The following MIPEP variants were observed in gnomAD, a reference collection of about 807,000 sequenced individuals.
The protein encoded by MIPEP is mitochondrial intermediate peptidase.
Under a neutral mutation model 90.3 loss-of-function variants are expected in MIPEP, and 79 were observed. The ratio of observed to expected loss-of-function variants is 0.87; its 90% CI spans 0.73 to 1.05. MIPEP has a LOEUF of 1.05. Among genes scored for constraint, MIPEP ranks in the 50% least tolerant of loss-of-function variants. MIPEP has a pLI of 0.00. For missense variants in MIPEP, 940 were observed against 905.6 expected, an observed-to-expected ratio of 1.04 and a Z score of -0.49; for synonymous variants, 334 against 315.8, an observed-to-expected ratio of 1.06 and a Z score of -0.61.
chr13:23,866,578 C>T (rs550539746), intron 7 of MIPEP, among the ~76,000 whole-genome samples: 82 of 152,272 alleles, frequency 5.4e-4, no homozygotes, highest in Non-Finnish European at 1.1e-3. Context: ...ACCTTCTGCG[C>T]GGCCTCCAGG....
At chr13:23,828,411 A>G (rs1761254912) in intron 14 of MIPEP, among the ~76,000 whole-genome samples, 1 of 152,250 alleles carries the variant, frequency 6.6e-6, no homozygotes, top group Non-Finnish European at 1.5e-5. Flanking sequence ...AGAAGTAATT[A>G]TCTGGTTAAA....
Position 23,865,984 on chromosome 13 carries a change from G to A in MIPEP, c.944-1795C>T, listed in dbSNP as rs115847509. 9.4e-3 allele frequency among the ~76,000 whole-genome samples: 1,433 copies of A among 151,922 alleles called. 22 individuals are homozygous for A. The highest frequency in any genetic ancestry group is 0.034 in the African/African-American group (1,391 of 41,422). ...CCACATCTGGCCTGCCTCAATTAGTGTCCCCAGAGAATTGTCATATTAAGA... is the reference window on the plus strand; with the variant it reads ...CCACATCTGGCCTGCCTCAATTAGTATCCCCAGAGAATTGTCATATTAAGA... On this transcript the variant is annotated intron_variant, in intron 7 of 18. Transcript: ENST00000382172.
intron 3 of MIPEP, 81 bp from the exon 4 acceptor site, chr13:23,879,435 C>T (rs1871197059): frequency 1.3e-6 from 1 of 747,318 alleles, no homozygotes; most frequent in South Asian, 1.7e-5. Flanking sequence ...ATGGTGTCAG[C>T]TTGTACCACA....
rs546168017 is a variant in MIPEP at position 23,828,234 on chromosome 13, C to T, written c.1653+8006G>A. On this transcript the variant is annotated intron_variant, in intron 14 of 18. Transcript: ENST00000382172. The stretch of plus-strand genomic sequence containing the variant: ...AACCTATAACAAACATCTTTCTTTA[C>T]GGTGACGTATTAAAAACATTTCCTT... 1.2e-3 allele frequency among the ~76,000 whole-genome samples: 181 copies of T among 152,324 alleles called. 1 individual carries two copies. The highest frequency in any genetic ancestry group is 4.1e-3 in the African/African-American group (169 of 41,586).
chr13:23,818,634 G>A (rs1159318185), intron 14 of MIPEP, among the ~76,000 whole-genome samples: 1 of 152,070 alleles, frequency 6.6e-6, no homozygotes, highest in Non-Finnish European at 1.5e-5. Flanking sequence ...GAAATAGCTG[G>A]GTTGGTTACA....
chr13:23,800,563 T>C lies in MIPEP; in HGVS notation c.1848+5387A>G, dbSNP rs144569054. ...TTTCCAGCATCAAACTACTGTTAGA[T>C]GGAATAGCAAGTAAGTACAAATTAG... On this transcript the variant is annotated intron_variant, in intron 16 of 18. Coordinates refer to ENST00000382172, the MANE Select transcript of MIPEP (RefSeq NM_005932.4). 3.9e-3 allele frequency among the ~76,000 whole-genome samples: 600 copies of C among 152,288 alleles called. 2 individuals are homozygous for C. The highest frequency in any genetic ancestry group is 0.014 in the African/African-American group (569 of 41,550).
chr13:23,760,513 G>A (rs753637612), intron 16 of MIPEP: 1 of 592,340 alleles, frequency 1.7e-6, no homozygotes, highest in Non-Finnish European at 3.3e-6. Context: ...CTCTTAGACT[G>A]GGCCCTTGCC....
intron 11 of MIPEP, among the ~76,000 whole-genome samples, chr13:23,841,083 A>ATTTTATATT (rs1454256314): frequency 6.6e-6 from 1 of 152,218 alleles, no homozygotes; most frequent in Non-Finnish European, 1.5e-5. Context: ...GGATATATGA[A>ATTTTATATT]GGTGCATATA....
At chr13:23,783,242 G>T (rs1051261743) in intron 16 of MIPEP, among the ~76,000 whole-genome samples, 1 of 152,142 alleles carries the variant, frequency 6.6e-6, no homozygotes, top group African/African-American at 2.4e-5. Flanking sequence ...ACATCAAAAA[G>T]CTTATCCACC....
At chr13:23,843,027 G>A (rs1288393041) in intron 10 of MIPEP, among the ~76,000 whole-genome samples, 1 of 151,036 alleles carries the variant, frequency 6.6e-6, no homozygotes, top group Non-Finnish European at 1.5e-5. Flanking sequence ...AACCCAGGAG[G>A]CGGAGGTTGA....
intron 14 of MIPEP, among the ~76,000 whole-genome samples, chr13:23,831,103 T>C (rs1477032222): frequency 6.6e-6 from 1 of 151,960 alleles, no homozygotes; most frequent in Non-Finnish European, 1.5e-5. Context: ...GCTAAGTCAA[T>C]TAGGACACAT....
rs192202132 is a variant in MIPEP at position 23,836,932 on chromosome 13, G to A, written c.1544-583C>T. On this transcript the variant is annotated intron_variant, in intron 13 of 18. Coordinates refer to ENST00000382172, the MANE Select transcript of MIPEP (RefSeq NM_005932.4). ...CTTCTCCTTGTCCAAAATACTGTGT[G>A]TAAAGTTAGTTAACAAATGCTGGAT... is the stretch of plus-strand genomic sequence containing the variant. Among the ~76,000 whole-genome samples, 74 of 152,302 alleles carry A rather than the reference G, an allele frequency of 4.9e-4. 1 individual carries two copies. Among genetic ancestry groups the A allele is most frequent in the African/African-American group, 1.8e-3 (73 of 41,572 alleles).
intron 14 of MIPEP, among the ~76,000 whole-genome samples, chr13:23,833,296 A>T (rs1474967668): frequency 3.3e-5 from 5 of 152,264 alleles, no homozygotes; most frequent in Admixed American, 1.3e-4. Flanking sequence ...TGACAAGAAG[A>T]GGCAAGCCCT....
At chr13:23,779,438 C>A (rs943325538) in intron 16 of MIPEP, among the ~76,000 whole-genome samples, 5 of 152,052 alleles carry the variant, frequency 3.3e-5, no homozygotes, top group South Asian at 2.1e-4. Context: ...CAACAAAAAA[C>A]CATAAAACAA....
At chr13:23,875,386 T>C (rs961202372) in intron 4 of MIPEP, among the ~76,000 whole-genome samples, 3 of 152,184 alleles carry the variant, frequency 2.0e-5, no homozygotes, top group Admixed American at 1.3e-4. Context: ...ATGAGATTTT[T>C]AGTTTTTCTT....
chr13:23,772,904 T>C (rs1159681064), intron 16 of MIPEP, among the ~76,000 whole-genome samples: 1 of 152,128 alleles, frequency 6.6e-6, no homozygotes, highest in Non-Finnish European at 1.5e-5. Context: ...TCACATACCA[T>C]ATAATTCACT....
At chr13:23,888,811 T>A in intron 1 of MIPEP, 1 of 998,768 alleles carries the variant, frequency 1.0e-6, no homozygotes, top group Non-Finnish European at 1.2e-6. Context: ...TGCGCCTGAG[T>A]GTATGCAGAG....
intron 16 of MIPEP, among the ~76,000 whole-genome samples, chr13:23,769,313 A>C (rs1319079918): frequency 6.6e-6 from 1 of 152,194 alleles, no homozygotes; most frequent in East Asian, 1.9e-4. Context: ...GCACACGACA[A>C]GAAGGGTTCT....
intron 14 of MIPEP, among the ~76,000 whole-genome samples, chr13:23,825,811 G>C (rs1313395952): frequency 2.6e-5 from 4 of 152,138 alleles, no homozygotes; most frequent in African/African-American, 4.8e-5. Context: ...AGTCCATACA[G>C]TGTGGACAAC....
Sources: allele counts gnomAD v4.1 joint callset (sites outside exome capture counted in the v4.1 genomes callset), GRCh38; gene constraint gnomAD v4.1.1; transcripts MANE v1.5; gene names NCBI Gene and HGNC (gene_info 2026-07-23, HGNC 2026-07-21).